Variants in ADORA2B observed in about 807,000 individuals in gnomAD.
ADORA2B encodes the protein adenosine A2b receptor.
A neutral mutation model predicts 20.8 loss-of-function variants in ADORA2B; 18 were observed. The observed-to-expected ratio is 0.87, with a 90% CI of 0.60 to 1.29. The LOEUF is 1.29. ADORA2B is among the 50% of genes most tolerant of loss of function. The pLI is 0.00. For synonymous variants in ADORA2B, 179 were observed against 178.3 expected (o/e 1.00, Z -0.03); for missense variants, 441 against 422.7 (o/e 1.04, Z -0.38).
At chr17:15,939,557 C>T in the ADORA2B span, among the ~76,000 whole-genome samples, 1 of 152,140 alleles carries the variant, frequency 6.6e-6, no homozygotes, top group Non-Finnish European at 1.5e-5. Context: ...CAGGATAATG[C>T]AGAGCATAAA....
At chr17:15,924,346 G>C in the ADORA2B span, among the ~76,000 whole-genome samples, 1 of 152,246 alleles carries the variant, frequency 6.6e-6, no homozygotes, top group African/African-American at 2.4e-5. Flanking sequence ...AACTTTCATT[G>C]TTTTGTCTTA....
chr17:15,884,599 T>C, the ADORA2B span, among the ~76,000 whole-genome samples: 1 of 152,154 alleles, frequency 6.6e-6, no homozygotes, highest in African/African-American at 2.4e-5. Context: ...GGCCCCAGTA[T>C]GTGTTGTTCC....
the ADORA2B span, among the ~76,000 whole-genome samples, chr17:15,916,828 C>T: frequency 6.6e-6 from 1 of 152,248 alleles, no homozygotes; most frequent in South Asian, 2.1e-4. Context: ...TAGGTCATTG[C>T]CAGACCATTT....
intron 1 of ADORA2B, among the ~76,000 whole-genome samples, chr17:15,973,522 CAGA>C (rs959572198): frequency 1.3e-5 from 2 of 152,200 alleles, no homozygotes; most frequent in African/African-American, 4.8e-5. Flanking sequence ...GGCCACACAG[CAGA>C]AGGTGAGCAG....
At chr17:15,925,928 C>G in the ADORA2B span, among the ~76,000 whole-genome samples, 10 of 151,996 alleles carry the variant, frequency 6.6e-5, no homozygotes, top group Non-Finnish European at 1.5e-4. Context: ...CGAGATCTCT[C>G]TACTGCACTC....
At chr17:15,851,636 G>GA in the ADORA2B span, among the ~76,000 whole-genome samples, 1 of 152,176 alleles carries the variant, frequency 6.6e-6, no homozygotes, top group South Asian at 2.1e-4. Context: ...GGGCCTGTTT[G>GA]ACAGAAACTA....
At chr17:15,932,310 T>C in the ADORA2B span, among the ~76,000 whole-genome samples, 1 of 151,780 alleles carries the variant, frequency 6.6e-6, no homozygotes, top group Non-Finnish European at 1.5e-5. Context: ...CTGGCCAACA[T>C]GGTGAAACCC....
the ADORA2B span, among the ~76,000 whole-genome samples, chr17:15,903,658 G>A: frequency 6.6e-6 from 1 of 152,096 alleles, no homozygotes; most frequent in Non-Finnish European, 1.5e-5. Flanking sequence ...ATTATTGGGT[G>A]AATTAATATC....
chr17:15,927,606 C>G, the ADORA2B span, among the ~76,000 whole-genome samples: 1 of 152,166 alleles, frequency 6.6e-6, no homozygotes, highest in African/African-American at 2.4e-5. Context: ...AAGATTGCAC[C>G]ACTGCACTCC....
chr17:15,918,757 C>A, the ADORA2B span, among the ~76,000 whole-genome samples: 1 of 152,192 alleles, frequency 6.6e-6, no homozygotes, highest in Non-Finnish European at 1.5e-5. Context: ...GTGTAAGCCA[C>A]CGCGCCTGGC....
the ADORA2B span, among the ~76,000 whole-genome samples, chr17:15,859,367 T>G: frequency 6.6e-6 from 1 of 151,060 alleles, no homozygotes; most frequent in African/African-American, 2.4e-5. Context: ...TGGGCTGTTT[T>G]TGTTGTTCTC....
the ADORA2B span, among the ~76,000 whole-genome samples, chr17:15,890,083 A>G: frequency 7.7e-6 from 1 of 129,632 alleles, no homozygotes. Context: ...TCTAAAAAAT[A>G]CTTCCAATTG....
At chr17:15,857,811 T>C in the ADORA2B span, among the ~76,000 whole-genome samples, 4 of 152,154 alleles carry the variant, frequency 2.6e-5, no homozygotes, top group African/African-American at 9.7e-5. Context: ...TGAAGTGGAC[T>C]AATACACTCA....
chr17:15,869,364 CAAT>C, the ADORA2B span, among the ~76,000 whole-genome samples: 4 of 150,800 alleles, frequency 2.7e-5, no homozygotes, highest in Admixed American at 6.6e-5. Flanking sequence ...TGAAGCAAAA[CAAT>C]AAAGTAGAAG....
chr17:15,910,464 A>AT, the ADORA2B span, among the ~76,000 whole-genome samples: 1 of 151,844 alleles, frequency 6.6e-6, no homozygotes, highest in Non-Finnish European at 1.5e-5. Context: ...CTCCTGGATA[A>AT]TTTTTTGTAT....
the ADORA2B span, among the ~76,000 whole-genome samples, chr17:15,929,562 C>A: frequency 6.6e-6 from 1 of 152,202 alleles, no homozygotes; most frequent in Non-Finnish European, 1.5e-5. Context: ...ACCTGCTGCC[C>A]ACCCGCATTC....
chr17:15,878,330 T>C, the ADORA2B span, among the ~76,000 whole-genome samples: 1 of 152,148 alleles, frequency 6.6e-6, no homozygotes, highest in East Asian at 1.9e-4. Context: ...AACTGAGTGG[T>C]GTCTGGACTT....
At chr17:15,879,460 T>TAA in the ADORA2B span, among the ~76,000 whole-genome samples, 2 of 136,044 alleles carry the variant, frequency 1.5e-5, no homozygotes, top group Admixed American at 1.5e-4. Context: ...CTTTAAAAAA[T>TAA]AAAAAAAAAA....
chr17:15,900,291 G>A, the ADORA2B span, among the ~76,000 whole-genome samples: 1 of 152,160 alleles, frequency 6.6e-6, no homozygotes, highest in Non-Finnish European at 1.5e-5. Context: ...GGATTACTGG[G>A]TTGAATGGTA....
Sources: gnomAD v4.1 joint callset for allele counts (sites outside exome capture counted in the v4.1 genomes callset) on GRCh38, gnomAD v4.1.1 for gene constraint, MANE v1.5 for transcripts, NCBI Gene and HGNC (gene_info 2026-07-23, HGNC 2026-07-21) for gene names.